The following INPP5J variants were observed in gnomAD, a reference collection of about 807,000 sequenced individuals.
INPP5J encodes the protein phosphatidylinositol 4,5-bisphosphate 5-phosphatase A.
INPP5J carries 75 observed loss-of-function variants against 86.6 expected under a neutral mutation model. That is an observed-to-expected ratio of 0.87 (90% CI 0.72 to 1.05). INPP5J has a LOEUF of 1.05. Among genes scored for constraint, INPP5J ranks in the 50% least tolerant of loss-of-function variants. INPP5J has a pLI of 0.00. For synonymous variants in INPP5J, 540 were observed against 550.0 expected, an observed-to-expected ratio of 0.98 and a Z score of 0.25; for missense variants, 1,229 against 1,341.2, an observed-to-expected ratio of 0.92 and a Z score of 1.31.
rs1487225196 is a variant in INPP5J, at chr22:31,129,327, ATCTCCTGGGTCCAAGCGAT to A, written c.2193+679_2193+697del. 2.1e-5 allele frequency among the ~76,000 whole-genome samples: 3 copies of A among 141,688 alleles called. No homozygotes were observed. The East Asian group carries it at 6.2e-4, about 29-fold the overall frequency. The allele number at this position is 141,688 out of a possible 152,430, so 93.0% of individuals were successfully genotyped here. A position where few individuals can be genotyped will look rare whatever the true frequency, so the allele number is the denominator to read the frequency against. On this transcript the variant is annotated intron_variant, in intron 9 of 12. Transcript: ENST00000331075. ...ACAATCTTGGCTCACTGCAACCACCATCTCCTGGGTCCAAGCGATTCTCCCGTCTCAGCCTCCCAAGTAG... is the reference window on the plus strand; with the variant it reads ...ACAATCTTGGCTCACTGCAACCACCATCTCCCGTCTCAGCCTCCCAAGTAG...
In INPP5J at chr22:31,134,517, C is replaced by A; in HGVS notation, c.*98C>A. 1.6e-6 allele frequency: 2 copies of A among 1,269,860 alleles called. No homozygotes were observed. The highest frequency in any genetic ancestry group is 2.1e-6 in the Non-Finnish European group (2 of 958,346). The allele number at this position is 1,269,860 out of a possible 1,614,324, so 78.7% of individuals were successfully genotyped here. A position where few individuals can be genotyped will look rare whatever the true frequency, so the allele number is the denominator to read the frequency against. ...CCTGCTGCTCCTCCAGCTGTATCTG[C>A]ACCTGCCTCTCTGTCCTGGCCAGGG... On this transcript the variant is annotated 3_prime_UTR_variant, in exon 13 of 13. Transcript: ENST00000331075.
intron 1 of INPP5J, 128 bp downstream of exon 1, chr22:31,123,247 AG>A: frequency 1.7e-6 from 1 of 589,162 alleles, no homozygotes; most frequent in Non-Finnish European, 2.8e-6. Flanking sequence ...CTCAGCGAGC[AG>A]GGGCTAGGTG....
Position 31,134,023 on chromosome 22 carries a change from C to T in INPP5J, c.2625C>T (p.Ser875=), listed in dbSNP as rs767475414. The T allele has an allele frequency of 1.9e-6, 3 of 1,608,050 alleles. No individual in the cohort carries two copies. The highest frequency in any genetic ancestry group is 3.4e-5 in the Admixed American group (2 of 59,360). Residue 875 remains serine, a synonymous_variant, in exon 13 of 13, where the codon AGC becomes AGT. Transcript: ENST00000331075. The part of the protein sequence containing the change: ...TLELLAPKSR[S]PSPGKSKRHR... ...AGCTCCTTGCACCCAAGTCCCGCAG[C>T]CCCAGTCCTGGCAAGTCCAAGCGAC...
chr22:31,127,347 G>C lies in INPP5J; in HGVS notation c.1612-10G>C, dbSNP rs200518722. 2.3e-4 allele frequency: 374 copies of C among 1,600,966 alleles called. No individual in the cohort carries two copies. Among genetic ancestry groups the C allele is most frequent in the Non-Finnish European group, 2.9e-4 (340 of 1,173,220 alleles). On this transcript the variant is annotated splice_polypyrimidine_tract_variant and intron_variant, in intron 5 of 12. Transcript: ENST00000331075. ...CCCCGCCCATGAGCCATCCGACCCT[G>C]CCTCCCTAGGGTAACAAGGGTGGCG...
intron 9 of INPP5J, among the ~76,000 whole-genome samples, chr22:31,128,993 C>T (rs536126895): frequency 2.2e-3 from 306 of 139,024 alleles, no homozygotes; most frequent in Non-Finnish European, 3.9e-3. Context: ...AGTGCAGTGG[C>T]ACGATCTTAG....
chr22:31,130,818 A>T (rs1440320814), intron 9 of INPP5J, among the ~76,000 whole-genome samples: 1 of 152,210 alleles, frequency 6.6e-6, no homozygotes, highest in Non-Finnish European at 1.5e-5. Flanking sequence ...GGTTGCCGAC[A>T]TCAAAATGGG....
In INPP5J at chr22:31,126,002, C is replaced by T. The variant is rs551093566; in HGVS notation, c.1263C>T (p.Pro421=). The T allele has an allele frequency of 9.6e-6, 15 of 1,566,888 alleles. No homozygotes were observed. Among genetic ancestry groups the T allele is most frequent in the East Asian group, 9.1e-5 (4 of 44,194 alleles). ...CTCAGCCTACCTGGAAGAGCGACCC[C>T]GGCTTCCGGTGAGGGGGCCCTCTCC... The part of the protein sequence containing the change: ...WSAQPTWKSD[P]GFRITVVTWN... The change falls in exon 2 of 13, where the codon CCC becomes CCT. Residue 421 remains proline, a synonymous_variant. Transcript: ENST00000331075.
At chr22:31,129,604 C>T (rs186625581) in intron 9 of INPP5J, among the ~76,000 whole-genome samples, 10 of 139,418 alleles carry the variant, frequency 7.2e-5, no homozygotes, top group African/African-American at 2.4e-4. Flanking sequence ...AGTGCAGTGG[C>T]GTGGTCTCGG....
intron 9 of INPP5J, 60 bp downstream of exon 9, chr22:31,128,714 G>A (rs942906402): frequency 7.1e-7 from 1 of 1,407,528 alleles, no homozygotes; most frequent in Admixed American, 2.2e-5. Flanking sequence ...GCATACCACT[G>A]CCCCTCACCA....
At chr22:31,127,094 T>G in intron 5 of INPP5J, 57 bp downstream of exon 5, 1 of 1,196,948 alleles carries the variant, frequency 8.4e-7, no homozygotes, top group Non-Finnish European at 1.2e-6. Context: ...TTTAGATTAG[T>G]CCCCCCGCCC....
chr22:31,123,181 C>A (rs536150222), intron 1 of INPP5J, 62 bp downstream of exon 1: 36 of 1,014,482 alleles, frequency 3.5e-5, no homozygotes, highest in African/African-American at 1.5e-4. Context: ...ACACCCCCCC[C>A]ACATACACTG....
At position 31,133,172 on chromosome 22, in the gene INPP5J, G is replaced by C; in HGVS notation, c.2268G>C (p.Val756=). The change falls in exon 10 of 13, where the codon GTG becomes GTC. Residue 756 remains valine, a synonymous_variant. Transcript: ENST00000331075. ...ADEWVRPEQA[V]VRYRMETVFA... The stretch of plus-strand genomic sequence containing the variant: ...AGTGGGTGCGGCCCGAGCAGGCGGT[G>C]GTGAGGTACCGCATGGAAACAGTGT... 2 of 1,590,810 alleles carry C rather than the reference G, an allele frequency of 1.3e-6. No homozygotes were observed. The highest frequency in any genetic ancestry group is 1.7e-6 in the Non-Finnish European group (2 of 1,169,570).
chr22:31,127,549 G>C lies in INPP5J; in HGVS notation c.1787+17G>C. ...GGATCATGAGTATGGGCTGGGGTGG[G>C]GCCAAATAGAGCTTGGGTGGGGCTA... On this transcript the variant is annotated intron_variant, in intron 6 of 12. Transcript: ENST00000331075. 1 of 1,604,758 alleles carries C rather than the reference G, an allele frequency of 6.2e-7. No homozygotes were observed. Among genetic ancestry groups the C allele is most frequent in the Non-Finnish European group, 8.5e-7 (1 of 1,174,924 alleles).
At chr22:31,126,349 T>C (rs574415584) in intron 2 of INPP5J, 27 bp from the exon 3 acceptor site, 1 of 1,545,042 alleles carries the variant, frequency 6.5e-7, no homozygotes, top group South Asian at 1.1e-5. Flanking sequence ...GTGCCAGGAC[T>C]ACACCCTCAT....
rs770821434 is a variant in INPP5J, at chr22:31,125,537, A to C, written c.798A>C (p.Pro266=). 6.5e-6 allele frequency: 10 copies of C among 1,549,776 alleles called. No homozygotes were observed. ...AGACATCTGGTCCTACAGGCTCCCC[A>C]CCCTGCATCCAAACCTCCCCAGACC... is the stretch of plus-strand genomic sequence containing the variant. ...PAQTSGPTGS[P]PCIQTSPDPR... Residue 266 remains proline (P), a synonymous_variant, in exon 2 of 13, where the codon CCA becomes CCC. Coordinates refer to ENST00000331075, the MANE Select transcript of INPP5J (RefSeq NM_001284285.2).
At chr22:31,133,511 G>A (rs1228990308) in intron 11 of INPP5J, 28 bp downstream of exon 11, 1 of 1,607,994 alleles carries the variant, frequency 6.2e-7, no homozygotes, top group East Asian at 2.2e-5. Flanking sequence ...GAGAGTCAGG[G>A]CAAGTCCTTG....
Position 31,123,091 on chromosome 22 carries a change from G to T in INPP5J, c.77G>T (p.Gly26Val), listed in dbSNP as rs760788038. The T allele has an allele frequency of 1.3e-6, 2 of 1,484,722 alleles. No homozygotes were observed. Among genetic ancestry groups the T allele is most frequent in the Admixed American group, 2.7e-5 (1 of 36,942 alleles). 92.0% of individuals were successfully genotyped at this position (1,484,722 alleles called of 1,614,324 possible). A position where few individuals can be genotyped will look rare whatever the true frequency, so the allele number is the denominator to read the frequency against. ...CTGGGTTCCCTGCCCATGCCCCAGG[G>T]TGTTGCCCAAACTGGGGCACCCTCC... ...AGLGSLPMPQGVAQTGAPSKV... is the reference protein window; with the variant it reads ...AGLGSLPMPQVVAQTGAPSKV... Residue 26 changes from glycine (G) to valine (V), a missense_variant, in exon 1 of 13, where the codon GGT becomes GTT. Coordinates refer to ENST00000331075, the MANE Select transcript of INPP5J (RefSeq NM_001284285.2).
At chr22:31,123,179 C>G (rs754304990) in intron 1 of INPP5J, 60 bp downstream of exon 1, 26 of 1,023,042 alleles carry the variant, frequency 2.5e-5, no homozygotes, top group East Asian at 1.9e-4. Flanking sequence ...ACACACCCCC[C>G]CCACATACAC....
In INPP5J at chr22:31,125,841, A is replaced by G. The variant is rs1012059838; in HGVS notation, c.1102A>G (p.Met368Val). Residue 368 changes from methionine (M) to valine (V), a missense_variant, in exon 2 of 13, where the codon ATG (methionine) becomes GTG (valine). By Grantham distance (21) the Met-to-Val change is conservative. Transcript: ENST00000331075. Reference protein sequence around the residue: ...RSPCVPPAPDMALPRLGTQST... With the variant: ...RSPCVPPAPDVALPRLGTQST... ...TCCCTGTGTTCCCCCAGCCCCTGAC[A>G]TGGCCCTCCCAAGGCTTGGCACACA... is the stretch of plus-strand genomic sequence containing the variant. The G allele has an allele frequency of 1.4e-5, 22 of 1,608,846 alleles. No homozygotes were observed. Among genetic ancestry groups the G allele is most frequent in the Non-Finnish European group, 1.7e-5 (20 of 1,177,442 alleles).
Sources: gnomAD v4.1 joint callset for allele counts (sites outside exome capture counted in the v4.1 genomes callset) on GRCh38, gnomAD v4.1.1 for gene constraint, MANE v1.5 for transcripts, NCBI Gene and HGNC (gene_info 2026-07-23, HGNC 2026-07-21) for gene names.